Variants in CHCHD6 observed in about 807,000 individuals in gnomAD.
CHCHD6 encodes the protein MICOS complex subunit MIC25.
A neutral mutation model predicts 32.3 loss-of-function variants in CHCHD6; 28 were observed. The ratio of observed to expected loss-of-function variants is 0.87; its 90% confidence interval spans 0.64 to 1.19. The LOEUF (loss-of-function observed/expected upper bound fraction) is 1.19, where lower values mean the gene tolerates loss of function less well. CHCHD6 is among the 50% of genes most tolerant of loss of function. The pLI is 0.00. For synonymous variants in CHCHD6, 122 were observed against 117.5 expected (o/e 1.04, Z -0.25); for missense variants, 333 against 307.0 (o/e 1.08, Z -0.63).
chr3:126,794,069 A>G (rs1938675433), intron 4 of CHCHD6, among the ~76,000 whole-genome samples: 1 of 151,930 alleles, frequency 6.6e-6, no homozygotes, highest in Admixed American at 6.6e-5. Flanking sequence ...TTTGTCTGGG[A>G]GTAGATTTAT....
Position 126,820,898 on chromosome 3 carries a change from G to A in CHCHD6, c.412-31749G>A, listed in dbSNP as rs75930355. Among the ~76,000 whole-genome samples the A allele has an allele frequency of 9.9e-3, 1,511 of 152,220 alleles. 23 individuals carry two copies. Among genetic ancestry groups the A allele is most frequent in the African/African-American group, 0.034 (1,415 of 41,530 alleles). ...GTTTTTAGTATATTCGCAGAATTGT[G>A]CACCAGTAACCATTCTCTAGTTCCA... On this transcript the variant is annotated intron_variant, in intron 4 of 7. Coordinates refer to ENST00000290913, the MANE Select transcript of CHCHD6 (RefSeq NM_032343.3).
intron 4 of CHCHD6, among the ~76,000 whole-genome samples, chr3:126,844,445 A>G (rs963842809): frequency 2.0e-5 from 3 of 152,170 alleles, no homozygotes; most frequent in Non-Finnish European, 4.4e-5. Flanking sequence ...TGTCCCGTTT[A>G]TGATTATGAA....
chr3:126,716,961 G>A (rs1473276256), intron 1 of CHCHD6, among the ~76,000 whole-genome samples: 1 of 152,130 alleles, frequency 6.6e-6, no homozygotes, highest in African/African-American at 2.4e-5. Context: ...CTTCTGTAGT[G>A]GTTGTCCTTT....
At chr3:126,779,169 CTT>C (rs1937796871) in intron 4 of CHCHD6, among the ~76,000 whole-genome samples, 1 of 152,030 alleles carries the variant, frequency 6.6e-6, no homozygotes, top group African/African-American at 2.4e-5. Flanking sequence ...ATTGCTGGTA[CTT>C]TTATTGTCAC....
At chr3:126,770,667 G>A (rs1196780543) in intron 4 of CHCHD6, among the ~76,000 whole-genome samples, 1 of 152,176 alleles carries the variant, frequency 6.6e-6, no homozygotes, top group Non-Finnish European at 1.5e-5. Flanking sequence ...TGCATCCCAG[G>A]GATAAAGCCT....
chr3:126,934,913 A>G (rs1033782253), intron 6 of CHCHD6, among the ~76,000 whole-genome samples: 1 of 152,054 alleles, frequency 6.6e-6, no homozygotes, highest in Non-Finnish European at 1.5e-5. Flanking sequence ...CCTACTTCAG[A>G]TGGGTATGGA....
At chr3:126,865,097 C>CTTT (rs1942228502) in intron 5 of CHCHD6, among the ~76,000 whole-genome samples, 1 of 126,752 alleles carries the variant, frequency 7.9e-6, no homozygotes, top group African/African-American at 5.2e-5. Flanking sequence ...CCTCCTCCTC[C>CTTT]TCCACCACCA....
chr3:126,868,665 C>T (rs1323946782), intron 5 of CHCHD6, among the ~76,000 whole-genome samples: 1 of 152,134 alleles, frequency 6.6e-6, no homozygotes, highest in Non-Finnish European at 1.5e-5. Context: ...GGAATTGTAA[C>T]CATGCATGCC....
intron 5 of CHCHD6, among the ~76,000 whole-genome samples, chr3:126,863,283 C>T (rs1488073898): frequency 7.0e-6 from 1 of 142,174 alleles, no homozygotes; most frequent in Non-Finnish European, 1.5e-5. Context: ...CCTCCTCCAC[C>T]ATCATCACCA....
intron 6 of CHCHD6, among the ~76,000 whole-genome samples, chr3:126,943,323 G>A (rs568577086): frequency 6.6e-6 from 1 of 152,326 alleles, no homozygotes; most frequent in South Asian, 2.1e-4. Flanking sequence ...GTGACTTCAG[G>A]TTGATGGAAG....
chr3:126,846,257 G>A (rs532761831), intron 4 of CHCHD6, among the ~76,000 whole-genome samples: 1 of 152,292 alleles, frequency 6.6e-6, no homozygotes, highest in East Asian at 1.9e-4. Context: ...AGTGCTAACA[G>A]CTTTTTCCCA....
chr3:126,906,326 C>T (rs2078005202), intron 5 of CHCHD6, among the ~76,000 whole-genome samples: 1 of 152,256 alleles, frequency 6.6e-6, no homozygotes, highest in Admixed American at 6.5e-5. Context: ...ACTCTTTCTT[C>T]CCAGTCGACA....
intron 5 of CHCHD6, among the ~76,000 whole-genome samples, chr3:126,862,520 C>T (rs1363771142): frequency 7.4e-6 from 1 of 135,670 alleles, no homozygotes. Flanking sequence ...TCCACCATCA[C>T]CACCTCACCC....
chr3:126,779,478 G>A (rs992412650), intron 4 of CHCHD6, among the ~76,000 whole-genome samples: 3 of 149,860 alleles, frequency 2.0e-5, no homozygotes, highest in Admixed American at 1.3e-4. Context: ...TGGAGGTTGC[G>A]GTAAGCCGAG....
chr3:126,807,147 A>G (rs992053936), intron 4 of CHCHD6, among the ~76,000 whole-genome samples: 12 of 151,616 alleles, frequency 7.9e-5, no homozygotes, highest in Non-Finnish European at 8.8e-5. Context: ...ATGTATACAT[A>G]TGTAACTAAC....
intron 6 of CHCHD6, among the ~76,000 whole-genome samples, chr3:126,937,831 G>T (rs114610128): frequency 4.6e-5 from 7 of 152,050 alleles, no homozygotes; most frequent in Admixed American, 3.3e-4. Context: ...TGGAGGGTGT[G>T]GGGGGAGATA....
At chr3:126,758,253 G>A (rs972712120) in intron 4 of CHCHD6, among the ~76,000 whole-genome samples, 7 of 152,218 alleles carry the variant, frequency 4.6e-5, no homozygotes, top group East Asian at 1.9e-4. Flanking sequence ...TGCCCTCAGC[G>A]TCCCTTCCAG....
chr3:126,758,001 T>C (rs1274476890), intron 4 of CHCHD6, among the ~76,000 whole-genome samples: 3 of 152,218 alleles, frequency 2.0e-5, no homozygotes, highest in Non-Finnish European at 4.4e-5. Flanking sequence ...TCAGGTCTTT[T>C]AGTGGAAGGC....
rs1438358857 is a variant in CHCHD6, at chr3:126,806,117, T to A, written c.412-46530T>A. On this transcript the variant is annotated intron_variant, in intron 4 of 7. Transcript: ENST00000290913. ...AAAACCCTAGAAGAAAACCTAGACA[T>A]TACCATTCAGGACATAGGCATGGGC... Among the ~76,000 whole-genome samples the A allele has an allele frequency of 4.8e-3, 736 of 151,986 alleles. 4 individuals carry two copies. Among genetic ancestry groups the A allele is most frequent in the Non-Finnish European group, 5.9e-3 (397 of 67,856 alleles).
Sources: gnomAD v4.1 joint callset for allele counts (sites outside exome capture counted in the v4.1 genomes callset) on GRCh38, gnomAD v4.1.1 for gene constraint, MANE v1.5 for transcripts, NCBI Gene and HGNC (gene_info 2026-07-23, HGNC 2026-07-21) for gene names.